The following NLRP1 variants were observed in gnomAD, a reference collection of about 807,000 sequenced individuals.
NLRP1 encodes NACHT, LRR and PYD domains-containing protein 1.
NLRP1 carries 94 observed loss-of-function variants against 136.7 expected under a neutral mutation model. That is an observed-to-expected ratio of 0.69 (90% confidence interval 0.58 to 0.82). The LOEUF (loss-of-function observed/expected upper bound fraction) is 0.82. Ranked by LOEUF, NLRP1 falls within the 40% of genes least tolerant of loss-of-function variation. The pLI is 0.00. For synonymous variants in NLRP1, 690 were observed against 725.1 expected (o/e 0.95, Z 0.78); for missense variants, 1,575 against 1,802.7 (o/e 0.87, Z 2.29).
intron 8 of NLRP1, among the ~76,000 whole-genome samples, chr17:5,535,505 T>C (rs1343382760): frequency 6.6e-6 from 1 of 151,938 alleles, no homozygotes; most frequent in Non-Finnish European, 1.5e-5. Flanking sequence ...GCCCAGATCC[T>C]CTTGACCAGG....
intron 3 of NLRP1, among the ~76,000 whole-genome samples, chr17:5,575,783 A>G (rs1597483371): frequency 6.6e-6 from 1 of 152,232 alleles, no homozygotes; most frequent in East Asian, 1.9e-4. Flanking sequence ...CCTAATAGAC[A>G]TCTACAGAAC....
chr17:5,501,980 C>A (rs548828598), intron 15 of NLRP1: 7 of 959,378 alleles, frequency 7.3e-6, no homozygotes, highest in South Asian at 6.7e-5. Flanking sequence ...AAACTGCCAT[C>A]AGAGAACTCC....
chr17:5,516,331 G>C (rs901431488), intron 15 of NLRP1, among the ~76,000 whole-genome samples: 17 of 152,166 alleles, frequency 1.1e-4, no homozygotes, highest in Non-Finnish European at 2.9e-5. Context: ...TACTGAGGGA[G>C]GTGACTGGAT....
intron 9 of NLRP1, 101 bp downstream of exon 9, chr17:5,533,796 C>A (rs936164078): frequency 1.2e-6 from 1 of 805,766 alleles, no homozygotes; most frequent in South Asian, 1.6e-5. Flanking sequence ...GAAACCTGCC[C>A]CGTCCCACAT....
intron 14 of NLRP1, among the ~76,000 whole-genome samples, chr17:5,519,848 CTTTTTTTTT>C (rs755028729): frequency 3.3e-5 from 3 of 90,266 alleles, no homozygotes; most frequent in Non-Finnish European, 6.6e-5. Flanking sequence ...TAAATCAGGT[CTTTTTTTTT>C]TTTTTTTTTT....
Position 5,521,518 on chromosome 17 carries a change from T to A in NLRP1, c.3783+6A>T. On this transcript the variant is annotated splice_donor_region_variant and intron_variant, in intron 13 of 16. Coordinates refer to ENST00000572272, the MANE Select transcript of NLRP1 (RefSeq NM_033004.4). The stretch of plus-strand genomic sequence containing the variant: ...GTGGCCCAGCCTTTCTGGCTCTTAG[T>A]GTCACCTTCCGAATGGAGCAGTCAC... The A allele has an allele frequency of 6.2e-7, 1 of 1,611,034 alleles. No homozygotes were observed. The highest frequency in any genetic ancestry group is 8.5e-7 in the Non-Finnish European group (1 of 1,177,990).
chr17:5,518,304 T>G, intron 14 of NLRP1: 1 of 171,474 alleles, frequency 5.8e-6, no homozygotes, highest in Non-Finnish European at 1.3e-5. Flanking sequence ...CCCACTGTCT[T>G]CCAAACATGC....
At chr17:5,570,872 A>G (rs1346428737) in intron 3 of NLRP1, among the ~76,000 whole-genome samples, 2 of 152,176 alleles carry the variant, frequency 1.3e-5, no homozygotes, top group African/African-American at 4.8e-5. Context: ...GCAAAATACT[A>G]GCAAACTGAA....
intron 4 of NLRP1, among the ~76,000 whole-genome samples, chr17:5,556,463 C>CA (rs1914092719): frequency 1.1e-5 from 1 of 87,578 alleles, no homozygotes; most frequent in African/African-American, 3.9e-5. Flanking sequence ...CAGACAACAA[C>CA]AAACCAAAAA....
Position 5,539,457 on chromosome 17 carries a change from C to T in NLRP1, c.2828G>A (p.Cys943Tyr), listed in dbSNP as rs1253608844. The change falls in exon 7 of 17, where the codon TGT becomes TAT. Residue 943 changes from cysteine (C) to tyrosine (Y), a missense_variant. Coordinates refer to ENST00000572272, the MANE Select transcript of NLRP1 (RefSeq NM_033004.4). ...NLDDVGVRLL[C>Y]EGLRHPACKL... Reference sequence around the variant, plus strand: ...GCAGGCAGGATGCCTGAGCCCCTCACAGAGCAGTCGCACGCCAACGTCATC... The same window carrying T: ...GCAGGCAGGATGCCTGAGCCCCTCATAGAGCAGTCGCACGCCAACGTCATC... The T allele has an allele frequency of 6.2e-7, 1 of 1,614,068 alleles. No homozygotes were observed. Among genetic ancestry groups the T allele is most frequent in the Admixed American group, 1.7e-5 (1 of 60,016 alleles).
intron 5 of NLRP1, among the ~76,000 whole-genome samples, chr17:5,552,081 T>C (rs1470760670): frequency 2.2e-5 from 3 of 138,394 alleles, no homozygotes; most frequent in Non-Finnish European, 4.6e-5. Flanking sequence ...GGCTCTATCT[T>C]TCCTTTTTTT....
Position 5,573,629 on chromosome 17 carries a change from A to G in NLRP1, c.652+8230T>C, listed in dbSNP as rs1379890418. ...TCTCTGAGACGAAGCTTCCAGAGGA[A>G]GGATCAGGCAGCAACATTTGCTGTT... On this transcript the variant is annotated intron_variant, in intron 3 of 16. Coordinates refer to ENST00000572272, the MANE Select transcript of NLRP1 (RefSeq NM_033004.4). 3.3e-5 allele frequency among the ~76,000 whole-genome samples: 5 copies of G among 152,330 alleles called. No homozygotes were observed. The East Asian group carries it at 5.8e-4, about 18-fold the overall frequency.
Position 5,536,911 on chromosome 17 carries a change from A to G in NLRP1, c.2900T>C (p.Met967Thr). Residue 967 changes from methionine (M) to threonine (T), a missense_variant, in exon 8 of 17, where the codon ATG becomes ACG. Physicochemically the swap from Met to Thr is moderately conservative, Grantham distance 81 (BLOSUM62 -1). Coordinates refer to ENST00000572272, the MANE Select transcript of NLRP1 (RefSeq NM_033004.4). ...CTCCAGGGCCCTCAGTTCCTGCCTC[A>G]TCTCATCACTCAGAGTTGTCTGGTC... Reference protein sequence around the residue: ...GLDQTTLSDEMRQELRALEQE... With the variant: ...GLDQTTLSDETRQELRALEQE... The G allele has an allele frequency of 1.9e-6, 3 of 1,613,716 alleles. No individual in the cohort carries two copies. Among genetic ancestry groups the G allele is most frequent in the South Asian group, 1.1e-5 (1 of 91,074 alleles).
intron 9 of NLRP1, 70 bp downstream of exon 9, chr17:5,533,827 G>T: frequency 9.8e-7 from 1 of 1,023,956 alleles, no homozygotes. Flanking sequence ...GGGATGGAGG[G>T]AATGACCTCC....
chr17:5,575,846 A>C (rs985456365), intron 3 of NLRP1, among the ~76,000 whole-genome samples: 1 of 152,236 alleles, frequency 6.6e-6, no homozygotes, highest in African/African-American at 2.4e-5. Context: ...CATTGCGCTT[A>C]TTCCAAAATT....
intron 7 of NLRP1, 58 bp from the exon 8 acceptor site, chr17:5,536,998 C>G: frequency 8.0e-7 from 1 of 1,245,434 alleles, no homozygotes; most frequent in Non-Finnish European, 1.2e-6. Context: ...CCCCAGGTCC[C>G]CAGGGCCCAG....
intron 15 of NLRP1, chr17:5,502,072 A>G (rs1354780447): frequency 1.9e-6 from 1 of 536,698 alleles, no homozygotes; most frequent in Non-Finnish European, 3.4e-6. Context: ...GTTCCTCTCT[A>G]TCCTACAGCG....
At chr17:5,581,788 CAG>C in intron 3 of NLRP1, 69 bp downstream of exon 3, 1 of 1,283,154 alleles carries the variant, frequency 7.8e-7, no homozygotes, top group Non-Finnish European at 1.1e-6. Context: ...ACCTGGTCCC[CAG>C]GGGACTCTTT....
chr17:5,517,278 G>A (rs1478003695), intron 15 of NLRP1, among the ~76,000 whole-genome samples: 1 of 145,022 alleles, frequency 6.9e-6, no homozygotes, highest in East Asian at 2.0e-4. Flanking sequence ...TATGTAACTT[G>A]AGAAAGCCAC....
Sources: gnomAD v4.1 joint callset for allele counts (sites outside exome capture counted in the v4.1 genomes callset) on GRCh38, gnomAD v4.1.1 for gene constraint, MANE v1.5 for transcripts, NCBI Gene and HGNC (gene_info 2026-07-23, HGNC 2026-07-21) for gene names.